SEMA3A: variants seen among roughly 807,000 people sequenced by gnomAD.
The protein encoded by SEMA3A is semaphorin 3A.
A neutral mutation model predicts 97.9 loss-of-function variants in SEMA3A; 29 were observed. The ratio of observed to expected loss-of-function variants is 0.30; its 90% CI spans 0.22 to 0.40. The LOEUF is 0.40. SEMA3A is among the 10% of genes least tolerant of loss of function. The probability of loss-of-function intolerance (pLI) is 1.00; values close to 1 mark genes in which losing one functional copy is unlikely to be tolerated. For missense variants in SEMA3A, 763 were observed against 951.3 expected (o/e 0.80, Z 2.60); for synonymous variants, 321 against 323.7 (o/e 0.99, Z 0.09).
At chr7:83,962,869 TTAG>T (rs1788524984) in intron 16 of SEMA3A, among the ~76,000 whole-genome samples, 1 of 152,066 alleles carries the variant, frequency 6.6e-6, no homozygotes, top group Admixed American at 6.6e-5. Flanking sequence ...AAATTTAAAA[TTAG>T]TAGGAGGTTT....
intron 1 of SEMA3A, among the ~76,000 whole-genome samples, chr7:84,397,137 A>G (rs948741126): frequency 6.6e-5 from 10 of 152,000 alleles, no homozygotes; most frequent in African/African-American, 2.4e-4. Context: ...GAAAATTCGG[A>G]ATTTCAAAAA....
chr7:83,989,834 G>C (rs1250322024), intron 12 of SEMA3A, among the ~76,000 whole-genome samples: 1 of 150,446 alleles, frequency 6.6e-6, no homozygotes, highest in Admixed American at 6.6e-5. Flanking sequence ...TATATACCCA[G>C]TAATGGGATG....
At chr7:83,972,423 G>A (rs1411543554) in intron 15 of SEMA3A, among the ~76,000 whole-genome samples, 1 of 151,950 alleles carries the variant, frequency 6.6e-6, no homozygotes, top group Non-Finnish European at 1.5e-5. Flanking sequence ...CATCTGGTAT[G>A]TTTTATTTTC....
chr7:84,183,731 T>C (rs541820998), intron 1 of SEMA3A, among the ~76,000 whole-genome samples: 4 of 152,222 alleles, frequency 2.6e-5, no homozygotes, highest in African/African-American at 9.6e-5. Flanking sequence ...TTTTACCTTT[T>C]TGGAAATATA....
chr7:84,260,815 G>C (rs747286889), intron 3 of SEMA3A, among the ~76,000 whole-genome samples: 1 of 152,176 alleles, frequency 6.6e-6, no homozygotes, highest in Non-Finnish European at 1.5e-5. Context: ...GTTGATGGCA[G>C]CAGAAGGCAG....
At chr7:84,489,557 G>T (rs772312810) in intron 1 of SEMA3A, among the ~76,000 whole-genome samples, 24 of 152,054 alleles carry the variant, frequency 1.6e-4, no homozygotes, top group Non-Finnish European at 3.4e-4. Context: ...GAAGTAGTTG[G>T]CTTCCAACTC....
At chr7:84,095,356 T>TACAC (rs1249705705) in intron 4 of SEMA3A, among the ~76,000 whole-genome samples, 133 of 105,040 alleles carry the variant, frequency 1.3e-3, no homozygotes, top group African/African-American at 5.7e-3. Context: ...ATTTTTTATA[T>TACAC]ACATATATAT....
intron 1 of SEMA3A, among the ~76,000 whole-genome samples, chr7:84,381,841 C>A (rs1803268931): frequency 6.6e-6 from 1 of 152,104 alleles, no homozygotes; most frequent in South Asian, 2.1e-4. Context: ...TATGAAGAGT[C>A]TTAAATTTGG....
At chr7:84,213,917 A>G (rs952991160) in intron 3 of SEMA3A, among the ~76,000 whole-genome samples, 1 of 152,238 alleles carries the variant, frequency 6.6e-6, no homozygotes, top group Non-Finnish European at 1.5e-5. Flanking sequence ...ATGGCCCTCA[A>G]CACGACATCC....
intron 1 of SEMA3A, among the ~76,000 whole-genome samples, chr7:84,377,585 A>G (rs887916655): frequency 6.6e-6 from 1 of 152,058 alleles, no homozygotes; most frequent in African/African-American, 2.4e-5. Context: ...GGTTATGTCA[A>G]TGTCTTTTGT....
intron 9 of SEMA3A, among the ~76,000 whole-genome samples, chr7:84,009,598 T>A (rs1024207089): frequency 2.0e-5 from 3 of 152,178 alleles, no homozygotes; most frequent in African/African-American, 7.2e-5. Flanking sequence ...CCAATGCATA[T>A]CCTTCTTTAT....
At chr7:84,215,559 TC>T (rs1316695064) in intron 3 of SEMA3A, among the ~76,000 whole-genome samples, 1 of 152,218 alleles carries the variant, frequency 6.6e-6, no homozygotes, top group Non-Finnish European at 1.5e-5. Context: ...AACTCTTTTT[TC>T]CTGTCCCCTA....
intron 4 of SEMA3A, among the ~76,000 whole-genome samples, chr7:84,109,793 G>C (rs954893024): frequency 6.6e-6 from 1 of 152,142 alleles, no homozygotes; most frequent in African/African-American, 2.4e-5. Flanking sequence ...TTACAAGAGG[G>C]TTTATAATTG....
chr7:84,143,950 AACACACACACACACACACACAC>A lies in SEMA3A; in HGVS notation c.113-9021_113-9000del, dbSNP rs796470836. ...TCTCTCTCTCTCTCTCTCTCTCTCTAACACACACACACACACACACACACACACACACACACACACACACAAT... is the reference window on the plus strand; with the variant it reads ...TCTCTCTCTCTCTCTCTCTCTCTCTAACACACACACACACACACACACAAT... On this transcript the variant is annotated intron_variant, in intron 1 of 16. Transcript: ENST00000265362. 5.2e-3 allele frequency among the ~76,000 whole-genome samples: 497 copies of A among 94,686 alleles called. 2 individuals are homozygous for A. Among genetic ancestry groups the A allele is most frequent in the Non-Finnish European group, 8.4e-3 (367 of 43,768 alleles). 62.1% of individuals were successfully genotyped at this position (94,686 alleles called of 152,430 possible). A position where few individuals can be genotyped will look rare whatever the true frequency, so the allele number is the denominator to read the frequency against.
At chr7:84,343,237 G>A (rs1802216170) in intron 2 of SEMA3A, among the ~76,000 whole-genome samples, 3 of 152,186 alleles carry the variant, frequency 2.0e-5, no homozygotes, top group African/African-American at 7.2e-5. Context: ...GAGGCAGAAA[G>A]TGGTGAAAAT....
Position 84,134,929 on chromosome 7 carries a change from C to G in SEMA3A, c.135G>C (p.Val45=), listed in dbSNP as rs139207450. 5.1e-4 allele frequency: 826 copies of G among 1,612,962 alleles called. 3 individuals carry two copies. The African/African-American group carries it at 0.01, about 20-fold the overall frequency. ...TGTTGGCCAAGCCATTGAAAGTGATCACATTGTTGGATTCCAACATTTCTG... is the reference window on the plus strand; with the variant it reads ...TGTTGGCCAAGCCATTGAAAGTGATGACATTGTTGGATTCCAACATTTCTG... ...SYKEMLESNN[V]ITFNGLANSS... Residue 45 remains valine (V), a synonymous_variant, in exon 2 of 17, where the codon GTG becomes GTC. Coordinates refer to ENST00000265362, the MANE Select transcript of SEMA3A (RefSeq NM_006080.3).
At chr7:84,315,994 T>C (rs937993984) in intron 2 of SEMA3A, among the ~76,000 whole-genome samples, 3 of 151,326 alleles carry the variant, frequency 2.0e-5, no homozygotes, top group Non-Finnish European at 4.4e-5. Context: ...CTTTTCTCTT[T>C]TGTTATTTAG....
intron 15 of SEMA3A, 137 bp from the exon 16 acceptor site, chr7:83,963,484 A>T: frequency 1.1e-6 from 1 of 889,158 alleles, no homozygotes; most frequent in Non-Finnish European, 1.7e-6. Flanking sequence ...GATGACAGAA[A>T]TGTCAGTGAT....
intron 14 of SEMA3A, among the ~76,000 whole-genome samples, chr7:83,977,615 TTAA>T (rs1789205095): frequency 6.6e-6 from 1 of 151,958 alleles, no homozygotes; most frequent in Admixed American, 6.5e-5. Flanking sequence ...TTTCTGATTA[TTAA>T]TGAAGGAATA....
Sources: allele counts gnomAD v4.1 joint callset (sites outside exome capture counted in the v4.1 genomes callset), GRCh38; gene constraint gnomAD v4.1.1; transcripts MANE v1.5; gene names NCBI Gene and HGNC (gene_info 2026-07-23, HGNC 2026-07-21).